Variants in INTS6L observed in about 807,000 individuals in gnomAD.
The protein encoded by INTS6L is integrator complex subunit 6 like.
Under a neutral mutation model 64.7 loss-of-function variants are expected in INTS6L, and 18 were observed. The observed-to-expected ratio is 0.28, with a 90% CI of 0.19 to 0.41. INTS6L has a LOEUF of 0.41. Among genes scored for constraint, INTS6L ranks in the 10% least tolerant of loss-of-function variants. The pLI is 1.00. For missense variants in INTS6L, 533 were observed against 661.0 expected, an observed-to-expected ratio of 0.81 and a Z score of 2.12; for synonymous variants, 227 against 235.9, an observed-to-expected ratio of 0.96 and a Z score of 0.34.
intron 8 of INTS6L, among the ~76,000 whole-genome samples, chrX:135,555,077 T>A (rs1195520370): frequency 9.2e-6 from 1 of 109,041 alleles, no homozygotes; most frequent in Non-Finnish European, 1.9e-5. Flanking sequence ...TTAGTAGAGA[T>A]GGGGTTTCAC....
At chrX:135,549,947 C>T in intron 7 of INTS6L, 142 bp downstream of exon 7, 1 of 631,655 alleles carries the variant, frequency 1.6e-6, no homozygotes. Flanking sequence ...CTATCTCTTA[C>T]TGGAAGTCTA....
intron 2 of INTS6L, among the ~76,000 whole-genome samples, chrX:135,521,807 G>C (rs2085578621): frequency 1.8e-5 from 2 of 108,625 alleles, no homozygotes; most frequent in African/African-American, 6.7e-5. Flanking sequence ...CCTGCCGGCC[G>C]GGCGCGCGGG....
intron 8 of INTS6L, among the ~76,000 whole-genome samples, chrX:135,555,330 T>C (rs1001644604): frequency 2.7e-5 from 3 of 111,181 alleles, no homozygotes; most frequent in Non-Finnish European, 5.7e-5. Context: ...AATGGATAAA[T>C]GGGTAGGGGA....
intron 5 of INTS6L, 87 bp downstream of exon 5, chrX:135,546,972 T>G (rs2086374233): frequency 8.9e-7 from 1 of 1,125,146 alleles, no homozygotes; most frequent in Non-Finnish European, 1.2e-6. Flanking sequence ...TCTTTACTTG[T>G]TTTCCTTCAA....
chrX:135,541,366 C>T (rs2086213328), intron 2 of INTS6L, among the ~76,000 whole-genome samples: 1 of 112,013 alleles, frequency 8.9e-6, no homozygotes, highest in African/African-American at 3.2e-5. Context: ...TTTTATGTAA[C>T]CAAAAATATC....
At chrX:135,523,860 T>C (rs184714376) in intron 2 of INTS6L, among the ~76,000 whole-genome samples, 57 of 112,222 alleles carry the variant, frequency 5.1e-4, no homozygotes, top group African/African-American at 1.8e-3. Flanking sequence ...CAAGTTGAGT[T>C]TGATTTTTTT....
At chrX:135,581,506 T>C in intron 17 of INTS6L, 22 bp from the exon 18 acceptor site, 1 of 1,152,231 alleles carries the variant, frequency 8.7e-7, no homozygotes, top group Non-Finnish European at 1.2e-6. Context: ...TTTTGGTTCA[T>C]AAAATTTCTC....
At chrX:135,537,550 A>C (rs979472149) in intron 2 of INTS6L, among the ~76,000 whole-genome samples, 1 of 111,790 alleles carries the variant, frequency 8.9e-6, no homozygotes, top group Non-Finnish European at 1.9e-5. Flanking sequence ...CAGTGGGATT[A>C]AGTGACTTAC....
At chrX:135,580,341 T>G (rs2087340059) in intron 16 of INTS6L, among the ~76,000 whole-genome samples, 179 bp downstream of exon 16, 1 of 112,238 alleles carries the variant, frequency 8.9e-6, no homozygotes, top group Non-Finnish European at 1.9e-5. Flanking sequence ...TCCTGTTTTT[T>G]CCCCTTATTT....
At chrX:135,575,964 G>A (rs956586854) in intron 14 of INTS6L, among the ~76,000 whole-genome samples, 13 of 111,724 alleles carry the variant, frequency 1.2e-4, no homozygotes, top group African/African-American at 2.9e-4. Context: ...GGTATTCCAC[G>A]TCACCTAAAT....
At chrX:135,546,521 C>T in intron 4 of INTS6L, 52 bp downstream of exon 4, 1 of 1,036,390 alleles carries the variant, frequency 9.6e-7, no homozygotes, top group Non-Finnish European at 1.3e-6. Flanking sequence ...GAACATGCAG[C>T]TATTTCTGTG....
intron 6 of INTS6L, among the ~76,000 whole-genome samples, chrX:135,548,668 T>TG (rs1169596135): frequency 1.2e-4 from 13 of 110,929 alleles, no homozygotes; most frequent in African/African-American, 4.3e-4. Flanking sequence ...AGCTCAACTT[T>TG]GGGGGGATCC....
intron 6 of INTS6L, among the ~76,000 whole-genome samples, chrX:135,549,142 G>T (rs1320129684): frequency 4.5e-5 from 5 of 112,076 alleles, no homozygotes; most frequent in Admixed American, 2.8e-4. Flanking sequence ...TGGTCATTGG[G>T]TCTAATTGTT....
chrX:135,521,765 G>A (rs1556497305), intron 2 of INTS6L, among the ~76,000 whole-genome samples: 1 of 108,529 alleles, frequency 9.2e-6, no homozygotes, highest in Non-Finnish European at 1.9e-5. Flanking sequence ...CGCGCGGGGG[G>A]CCGGACGGAG....
At chrX:135,542,565 AGG>A (rs1556513261) in intron 2 of INTS6L, among the ~76,000 whole-genome samples, 1 of 110,429 alleles carries the variant, frequency 9.1e-6, no homozygotes, top group African/African-American at 3.3e-5. Flanking sequence ...GAAGGAAGGA[AGG>A]AAGGAAGGAA....
In INTS6L at chrX:135,581,949, G is replaced by T; in HGVS notation, c.*313G>T. 1 of 198,602 alleles carries T rather than the reference G, an allele frequency of 5.0e-6. No individual in the cohort carries two copies. The highest frequency in any genetic ancestry group is 9.0e-6 in the Non-Finnish European group (1 of 111,675). 16.4% of individuals were successfully genotyped at this position (198,602 alleles called of 1,213,427 possible). A position where few individuals can be genotyped will look rare whatever the true frequency, so the allele number is the denominator to read the frequency against. ...ATGAGAGGTCACTCACTTGAACTTT[G>T]CCATTCCAGGCATTCTCAGAGTGGC... On this transcript the variant is annotated 3_prime_UTR_variant, in exon 18 of 18. Coordinates refer to ENST00000639893, the MANE Select transcript of INTS6L (RefSeq NM_001351601.3).
chrX:135,523,236 A>AG (rs1187834347), intron 2 of INTS6L, among the ~76,000 whole-genome samples: 1 of 108,603 alleles, frequency 9.2e-6, no homozygotes, highest in Non-Finnish European at 1.9e-5. Flanking sequence ...ATACAAAAAA[A>AG]CAAAACAAAA....
At chrX:135,554,842 AAT>A (rs1381700641) in intron 8 of INTS6L, among the ~76,000 whole-genome samples, 1 of 104,418 alleles carries the variant, frequency 9.6e-6, no homozygotes, top group Admixed American at 1.0e-4. Context: ...AATTAAGATC[AAT>A]GTTTTAATCT....
rs2298301 is a variant in INTS6L at position 135,579,930 on chromosome X, G to A, written c.2262G>A (p.Leu754=). 0.14 allele frequency: 174,863 copies of A among 1,209,262 alleles called. 8,922 individuals carry two copies. The highest frequency in any genetic ancestry group is 0.15 in the Non-Finnish European group (138,392 of 894,960). ...TGCCACCCAACCAAGTGGATTCTCTGTCTGACGACTTCACAAGTCTCAGCA... is the reference window on the plus strand; with the variant it reads ...TGCCACCCAACCAAGTGGATTCTCTATCTGACGACTTCACAAGTCTCAGCA... ...DLMPPNQVDS[L]SDDFTSLSKD... Residue 754 remains leucine, a synonymous_variant, in exon 16 of 18, where the codon CTG becomes CTA. Coordinates refer to ENST00000639893, the MANE Select transcript of INTS6L (RefSeq NM_001351601.3).
Sources: allele counts gnomAD v4.1 joint callset (sites outside exome capture counted in the v4.1 genomes callset), GRCh38; gene constraint gnomAD v4.1.1; transcripts MANE v1.5; gene names NCBI Gene and HGNC (gene_info 2026-07-23, HGNC 2026-07-21).